Variants in ZCCHC7 observed in about 807,000 individuals in gnomAD.
ZCCHC7 encodes zinc finger CCHC domain-containing protein 7.
A neutral mutation model predicts 52.0 loss-of-function variants in ZCCHC7; 35 were observed. The observed-to-expected ratio is 0.67, with a 90% CI of 0.51 to 0.89. ZCCHC7 has a LOEUF of 0.89. Among genes scored for constraint, ZCCHC7 ranks in the 40% least tolerant of loss-of-function variants. The probability of loss-of-function intolerance (pLI) is 0.00; values close to 1 mark genes in which losing one functional copy is unlikely to be tolerated. For missense variants in ZCCHC7, 574 were observed against 649.1 expected, an observed-to-expected ratio of 0.88 and a Z score of 1.26; for synonymous variants, 217 against 221.5, an observed-to-expected ratio of 0.98 and a Z score of 0.18.
chr9:37,164,306 A>G (rs1223067149), intron 2 of ZCCHC7, among the ~76,000 whole-genome samples: 19 of 152,052 alleles, frequency 1.2e-4, no homozygotes, highest in Non-Finnish European at 2.9e-5. Context: ...TTAGCCAGGC[A>G]TGATACTGTG....
chr9:37,338,442 G>A (rs1330558110), intron 6 of ZCCHC7, among the ~76,000 whole-genome samples: 3 of 152,086 alleles, frequency 2.0e-5, no homozygotes, highest in Non-Finnish European at 4.4e-5. Context: ...ATAAAATGAA[G>A]ACATAAGTAT....
In ZCCHC7 at chr9:37,211,900, C is replaced by T. The variant is rs969838548; in HGVS notation, c.610+84958C>T. On this transcript the variant is annotated intron_variant, in intron 2 of 8. Transcript: ENST00000336755. ...AAAATTAGCCGAGTGTAGTGGCAGG[C>T]GCCTGTAGTCCCAGCTACTTGGGAG... Among the ~76,000 whole-genome samples, 488 of 151,362 alleles carry T rather than the reference C, an allele frequency of 3.2e-3. 1 individual carries two copies. The highest frequency in any genetic ancestry group is 4.4e-3 in the Non-Finnish European group (298 of 67,628).
intron 5 of ZCCHC7, among the ~76,000 whole-genome samples, chr9:37,325,004 T>G (rs150926631): frequency 6.7e-4 from 102 of 152,322 alleles, no homozygotes; most frequent in African/African-American, 2.3e-3. Context: ...GCCGTTGTTC[T>G]CGTAAAACAA....
At chr9:37,152,913 T>C (rs1820609830) in intron 2 of ZCCHC7, among the ~76,000 whole-genome samples, 1 of 152,174 alleles carries the variant, frequency 6.6e-6, no homozygotes, top group Non-Finnish European at 1.5e-5. Context: ...CTATAAAAAT[T>C]ATTTGGAATT....
chr9:37,248,241 A>G (rs1232243038), intron 2 of ZCCHC7, among the ~76,000 whole-genome samples: 1 of 152,188 alleles, frequency 6.6e-6, no homozygotes, highest in East Asian at 1.9e-4. Flanking sequence ...TATTAACCTA[A>G]TTTTATTTTT....
intron 2 of ZCCHC7, among the ~76,000 whole-genome samples, chr9:37,285,267 GAGAA>G (rs1366762920): frequency 6.6e-5 from 10 of 152,138 alleles, no homozygotes; most frequent in African/African-American, 2.2e-4. Flanking sequence ...TTGAAGCTGA[GAGAA>G]AGAGAAAATG....
At chr9:37,298,884 T>G (rs916870124) in intron 2 of ZCCHC7, among the ~76,000 whole-genome samples, 11 of 152,244 alleles carry the variant, frequency 7.2e-5, no homozygotes, top group African/African-American at 2.7e-4. Flanking sequence ...TTGTTTGGCC[T>G]TCTCTTACTC....
intron 4 of ZCCHC7, among the ~76,000 whole-genome samples, 200 bp downstream of exon 4, chr9:37,304,513 C>T (rs1199443295): frequency 6.6e-6 from 1 of 151,978 alleles, no homozygotes; most frequent in Non-Finnish European, 1.5e-5. Flanking sequence ...AAAAATTAGC[C>T]GGGCGTGATG....
At chr9:37,335,467 A>T (rs994872671) in intron 6 of ZCCHC7, among the ~76,000 whole-genome samples, 2 of 152,210 alleles carry the variant, frequency 1.3e-5, no homozygotes, top group Non-Finnish European at 2.9e-5. Flanking sequence ...CTTCATCTGA[A>T]AAATGGGGAT....
Position 37,349,400 on chromosome 9 carries a change from C to G in ZCCHC7, c.1031C>G (p.Pro344Arg), listed in dbSNP as rs540064037. 6.2e-7 allele frequency: 1 copy of G among 1,614,076 alleles called. No individual in the cohort carries two copies. The highest frequency in any genetic ancestry group is 2.2e-5 in the East Asian group (1 of 44,872). Residue 344 changes from proline (P) to arginine (R), a missense_variant, in exon 7 of 9, where the codon CCA becomes CGA. Physicochemically the swap from Pro to Arg is moderately radical, Grantham distance 103. This residue lies in a region of ZCCHC7 where 403 missense variants were observed against 461.2 expected (regional missense o/e 0.87). Transcript: ENST00000336755. ...AAAAAGCCGAAGACCCCTTCAAGAC[C>G]ATCAGCCTTAGCATATTGCTATCAC... is the stretch of plus-strand genomic sequence containing the variant. ...PPKKPKTPSR[P>R]SALAYCYHCA...
intron 2 of ZCCHC7, 51 bp from the exon 3 acceptor site, chr9:37,302,137 A>T: frequency 6.9e-7 from 1 of 1,451,724 alleles, no homozygotes; most frequent in Non-Finnish European, 9.6e-7. Context: ...TTGTCAATCT[A>T]TAAGTCCTTT....
intron 6 of ZCCHC7, among the ~76,000 whole-genome samples, chr9:37,345,731 A>C (rs1015330495): frequency 6.6e-6 from 1 of 152,148 alleles, no homozygotes; most frequent in Non-Finnish European, 1.5e-5. Flanking sequence ...AAAAAAAAAA[A>C]AAAACTCTTG....
chr9:37,187,503 AGGCCACGAACT>A (rs1296075966), intron 2 of ZCCHC7, among the ~76,000 whole-genome samples: 1 of 152,226 alleles, frequency 6.6e-6, no homozygotes, highest in East Asian at 1.9e-4. Context: ...AGTTCCTAAC[AGGCCACGAACT>A]GGTACTGATT....
chr9:37,121,359 C>T (rs1358495304), intron 1 of ZCCHC7, among the ~76,000 whole-genome samples: 3 of 152,150 alleles, frequency 2.0e-5, no homozygotes, highest in African/African-American at 4.8e-5. Flanking sequence ...ATTAGTAGGG[C>T]CTTTTTAGCT....
intron 2 of ZCCHC7, among the ~76,000 whole-genome samples, chr9:37,275,388 GC>G (rs1202417357): frequency 6.1e-4 from 92 of 149,918 alleles, no homozygotes; most frequent in African/African-American, 2.2e-3. Context: ...TATACATCAG[GC>G]TTCCTTAATA....
At chr9:37,305,800 T>C in intron 5 of ZCCHC7, 86 bp downstream of exon 5, 1 of 1,398,186 alleles carries the variant, frequency 7.2e-7, no homozygotes, top group Non-Finnish European at 9.9e-7. Flanking sequence ...TAACTATCAG[T>C]CAGCATACCT....
chr9:37,289,755 C>T (rs1053248465), intron 2 of ZCCHC7, among the ~76,000 whole-genome samples: 1 of 152,182 alleles, frequency 6.6e-6, no homozygotes, highest in African/African-American at 2.4e-5. Flanking sequence ...CAAAGCCCTT[C>T]ATAAACTAAT....
chr9:37,126,353 G>T lies in ZCCHC7; in HGVS notation c.21G>T (p.Glu7Asp), dbSNP rs201212916. MMFGGY[E>D]TIEAYEDDLY... ...TTTTTATGATGTTTGGTGGCTATGA[G>T]ACTATAGAAGCATACGAAGATGATC... The change falls in exon 2 of 9, where the codon GAG becomes GAT. Residue 7 changes from glutamate (E) to aspartate (D), a missense_variant. Transcript: ENST00000336755. The T allele has an allele frequency of 6.2e-7, 1 of 1,613,354 alleles. No individual in the cohort carries two copies. The highest frequency in any genetic ancestry group is 8.5e-7 in the Non-Finnish European group (1 of 1,179,638).
At chr9:37,127,657 A>G (rs191632107) in intron 2 of ZCCHC7, among the ~76,000 whole-genome samples, 99 of 152,254 alleles carry the variant, frequency 6.5e-4, no homozygotes, top group African/African-American at 1.8e-3. Flanking sequence ...CTAGTTTCCT[A>G]AGTAGTCTTC....
Sources: gnomAD v4.1 joint callset for allele counts (sites outside exome capture counted in the v4.1 genomes callset) on GRCh38, gnomAD v4.1.1 for gene constraint, gnomAD v4.1.1 regional missense constraint, MANE v1.5 for transcripts, NCBI Gene and HGNC (gene_info 2026-07-23, HGNC 2026-07-21) for gene names.